CPSF3: variants seen among roughly 807,000 people sequenced by gnomAD.
CPSF3 encodes cleavage and polyadenylation specificity factor subunit 3.
CPSF3 carries 57 observed loss-of-function variants against 84.1 expected under a neutral mutation model. That is an observed-to-expected ratio of 0.68 (90% confidence interval 0.55 to 0.85). CPSF3 has a LOEUF of 0.85. Ranked by LOEUF, CPSF3 falls within the 40% of genes least tolerant of loss-of-function variation. CPSF3 has a pLI of 0.00. For missense variants in CPSF3, 522 were observed against 838.8 expected (o/e 0.62, Z 4.66); for synonymous variants, 275 against 278.1 (o/e 0.99, Z 0.11).
rs765205952 is a variant in CPSF3, at chr2:9,452,908, T to G, written c.1396-5T>G. 1.3e-6 allele frequency: 2 copies of G among 1,572,334 alleles called. No individual in the cohort carries two copies. The highest frequency in any genetic ancestry group is 2.8e-5 in the African/African-American group (2 of 72,342). ...CTATTTTCTTCAAGTATTTTTTTTT[T>G]ACAGGTTATGGGATTTTTAGCAGAC... On this transcript the variant is annotated splice_polypyrimidine_tract_variant and splice_region_variant and intron_variant, in intron 11 of 17. Coordinates refer to ENST00000238112, the MANE Select transcript of CPSF3 (RefSeq NM_016207.4).
chr2:9,471,694 C>T (rs906805566), intron 17 of CPSF3, among the ~76,000 whole-genome samples: 33 of 151,828 alleles, frequency 2.2e-4, no homozygotes, highest in Admixed American at 2.0e-3. Flanking sequence ...CAGCTTAGTT[C>T]ACCTCATCCC....
rs537301720 is a variant in CPSF3, at chr2:9,466,349, C to T, written c.1787-1358C>T. ...ACAGACGCACGCACACACGCGCGCG[C>T]GCGCACACACACACGCACACACCCA... is the stretch of plus-strand genomic sequence containing the variant. On this transcript the variant is annotated intron_variant, in intron 15 of 17. Coordinates refer to ENST00000238112, the MANE Select transcript of CPSF3 (RefSeq NM_016207.4). Among the ~76,000 whole-genome samples, 169 of 148,720 alleles carry T rather than the reference C, an allele frequency of 1.1e-3. 2 individuals carry two copies. Among genetic ancestry groups the T allele is most frequent in the Middle Eastern group, 0.011 (3 of 284 alleles).
intron 1 of CPSF3, among the ~76,000 whole-genome samples, chr2:9,428,392 A>G (rs932733159): frequency 1.3e-5 from 2 of 152,226 alleles, no homozygotes; most frequent in Non-Finnish European, 2.9e-5. Flanking sequence ...TGCTAATTCT[A>G]GAAGTATTAT....
intron 10 of CPSF3, 23 bp from the exon 11 acceptor site, chr2:9,448,175 C>CT (rs1277875640): frequency 1.4e-6 from 2 of 1,457,984 alleles, no homozygotes; most frequent in Non-Finnish European, 1.9e-6. Flanking sequence ...TCCATATATT[C>CT]TTTTAACATT....
rs1159186704 is a variant in CPSF3, at chr2:9,428,788, G to T, written c.74G>T (p.Arg25Ile). The T allele has an allele frequency of 6.2e-7, 1 of 1,606,514 alleles. No individual in the cohort carries two copies. Among genetic ancestry groups the T allele is most frequent in the African/African-American group, 1.3e-5 (1 of 74,852 alleles). The change falls in exon 2 of 18, where the codon AGA becomes ATA. Residue 25 changes from arginine to isoleucine, a missense_variant. Physicochemically the swap from Arg to Ile is moderately conservative, Grantham distance 97. This residue lies in a region of CPSF3 where 329 missense variants were observed against 607.2 expected (regional missense o/e 0.54). Transcript: ENST00000238112. ...AGTGGAGCTGGGCAAGAAGTAGGAA[G>T]ATCATGTATTATTCTCGAGTTCAAA... ...RPLGAGQEVG[R>I]SCIILEFKGR...
At chr2:9,426,434 A>C (rs544282980) in intron 1 of CPSF3, among the ~76,000 whole-genome samples, 1 of 152,218 alleles carries the variant, frequency 6.6e-6, no homozygotes, top group Non-Finnish European at 1.5e-5. Flanking sequence ...GGCATCTTGA[A>C]TATGAAGTCC....
intron 11 of CPSF3, among the ~76,000 whole-genome samples, chr2:9,448,859 T>C (rs1681217247): frequency 6.6e-6 from 1 of 152,020 alleles, no homozygotes; most frequent in Admixed American, 6.6e-5. Flanking sequence ...CCGGCCTAGA[T>C]TAGATCTTAA....
chr2:9,424,196 A>C (rs1350649313), intron 1 of CPSF3: 8 of 1,024,620 alleles, frequency 7.8e-6, no homozygotes, highest in Non-Finnish European at 9.4e-6. Context: ...TATGACCGAC[A>C]GGATGAGAGG....
At chr2:9,458,562 G>A (rs1046231243) in intron 14 of CPSF3, among the ~76,000 whole-genome samples, 14 of 152,274 alleles carry the variant, frequency 9.2e-5, no homozygotes, top group African/African-American at 3.1e-4. Flanking sequence ...TGTGTATGAT[G>A]GCTCACACCT....
chr2:9,448,588 C>T (rs1026718236), intron 11 of CPSF3, among the ~76,000 whole-genome samples: 1 of 152,142 alleles, frequency 6.6e-6, no homozygotes, highest in South Asian at 2.1e-4. Context: ...GACGGAGTCT[C>T]GCTCTGTCAC....
intron 11 of CPSF3, among the ~76,000 whole-genome samples, chr2:9,450,125 G>C (rs1351497067): frequency 6.7e-6 from 1 of 148,662 alleles, no homozygotes; most frequent in East Asian, 2.0e-4. Context: ...AGCCTCCCAA[G>C]TAGCTAGGAC....
intron 15 of CPSF3, among the ~76,000 whole-genome samples, chr2:9,466,867 C>G (rs1031677755): frequency 6.6e-6 from 1 of 152,146 alleles, no homozygotes; most frequent in Non-Finnish European, 1.5e-5. Flanking sequence ...AAATAATTTC[C>G]CATTGTATGG....
chr2:9,463,344 TC>T (rs1055584163), intron 15 of CPSF3, among the ~76,000 whole-genome samples: 1 of 152,214 alleles, frequency 6.6e-6, no homozygotes, highest in Non-Finnish European at 1.5e-5. Flanking sequence ...GCTGGGAGCT[TC>T]TTCAGTCATC....
At chr2:9,462,174 GCAGCTTT>G (rs1470570384) in intron 15 of CPSF3, among the ~76,000 whole-genome samples, 2 of 152,206 alleles carry the variant, frequency 1.3e-5, no homozygotes, top group African/African-American at 4.8e-5. Flanking sequence ...TTTGGGCCAC[GCAGCTTT>G]CAGCTGTAAG....
intron 10 of CPSF3, among the ~76,000 whole-genome samples, chr2:9,444,395 G>A (rs1225264620): frequency 6.6e-6 from 1 of 151,590 alleles, no homozygotes; most frequent in Non-Finnish European, 1.5e-5. Flanking sequence ...CAAAGTGCTG[G>A]GATTACAGGC....
chr2:9,436,774 A>AAAAAAAAAAAATAAAAAATAAT (rs139337028), intron 7 of CPSF3, among the ~76,000 whole-genome samples: 47 of 143,000 alleles, frequency 3.3e-4, no homozygotes, highest in South Asian at 2.2e-4. Context: ...CCATCTCAAA[A>AAAAAAAAAAAATAAAAAATAAT]AATAATAATA....
At chr2:9,439,204 C>CT (rs369910909) in intron 7 of CPSF3, among the ~76,000 whole-genome samples, 41 of 150,990 alleles carry the variant, frequency 2.7e-4, no homozygotes, top group Non-Finnish European at 4.9e-4. Context: ...AATAATCAGC[C>CT]TTTTTTTTTA....
chr2:9,466,198 ACACACACACG>A (rs1681906755), intron 15 of CPSF3, among the ~76,000 whole-genome samples: 1 of 133,124 alleles, frequency 7.5e-6, no homozygotes, highest in Middle Eastern at 3.3e-3. Flanking sequence ...ACACGCGCTC[ACACACACACG>A]CGCACACACG....
intron 5 of CPSF3, among the ~76,000 whole-genome samples, chr2:9,432,985 C>G (rs187682700): frequency 6.6e-6 from 1 of 152,258 alleles, no homozygotes; most frequent in African/African-American, 2.4e-5. Flanking sequence ...CTTTAGAAAA[C>G]TGGTTAGGGA....
Sources: allele counts gnomAD v4.1 joint callset (sites outside exome capture counted in the v4.1 genomes callset), GRCh38; gene constraint gnomAD v4.1.1; regional missense constraint gnomAD v4.1.1; transcripts MANE v1.5; gene names NCBI Gene and HGNC (gene_info 2026-07-23, HGNC 2026-07-21).